OAS2: variants seen among roughly 807,000 people sequenced by gnomAD.
The protein encoded by OAS2 is 2'-5'-oligoadenylate synthetase 2, also known as 2'-5'-oligoadenylate synthase 2.
OAS2 carries 67 observed loss-of-function variants against 71.3 expected under a neutral mutation model. That is an observed-to-expected ratio of 0.94 (90% CI 0.77 to 1.15). The LOEUF (loss-of-function observed/expected upper bound fraction) is 1.15, where lower values mean the gene tolerates loss of function less well. Ranked by LOEUF, OAS2 falls within the 50% of genes most tolerant of loss-of-function variation. The probability of loss-of-function intolerance (pLI) is 0.00; values close to 1 mark genes in which losing one functional copy is unlikely to be tolerated. For missense variants in OAS2, 789 were observed against 822.5 expected (o/e 0.96, Z 0.50); for synonymous variants, 327 against 321.8 (o/e 1.02, Z -0.17).
At chr12:113,005,416 GCT>G (rs112320498) in intron 7 of OAS2, among the ~76,000 whole-genome samples, 194 bp downstream of exon 7, 8 of 152,016 alleles carry the variant, frequency 5.3e-5, no homozygotes, top group South Asian at 2.1e-4. Flanking sequence ...CAAGCATGGG[GCT>G]GTGTGCCTAT....
chr12:112,999,923 A>G (rs2044268820), intron 5 of OAS2, among the ~76,000 whole-genome samples: 1 of 152,126 alleles, frequency 6.6e-6, no homozygotes, highest in South Asian at 2.1e-4. Flanking sequence ...ATCTTTTTTT[A>G]AGAGATGGGG....
chr12:112,984,454 T>G (rs1442270962), intron 1 of OAS2, among the ~76,000 whole-genome samples: 1 of 152,254 alleles, frequency 6.6e-6, no homozygotes, highest in African/African-American at 2.4e-5. Flanking sequence ...AGTCTATATG[T>G]ATCTTCACAG....
chr12:112,988,963 G>A (rs896888413), intron 2 of OAS2, among the ~76,000 whole-genome samples: 2 of 152,200 alleles, frequency 1.3e-5, no homozygotes, highest in African/African-American at 4.8e-5. Context: ...CCAAGGTGAA[G>A]GATGTACCCA....
At chr12:112,986,384 G>A (rs1370897772) in intron 1 of OAS2, among the ~76,000 whole-genome samples, 1 of 152,206 alleles carries the variant, frequency 6.6e-6, no homozygotes, top group South Asian at 2.1e-4. Context: ...GGGCCCCCAG[G>A]TGGCTTGTTT....
Position 113,011,463 on chromosome 12 carries a change from T to C in OAS2, c.*2208T>C, listed in dbSNP as rs1310217618. ...TCCAAGGAGGTGATGGGGCTGGAAA[T>C]TGAGTTCAATTTTAACATGGCCAGT... On this transcript the variant is annotated 3_prime_UTR_variant, in exon 10 of 10. Coordinates refer to ENST00000392583, the MANE Select transcript of OAS2 (RefSeq NM_002535.3). The C allele has an allele frequency of 6.6e-6, 1 of 152,186 alleles. No individual in the cohort carries two copies. The highest frequency in any genetic ancestry group is 1.5e-5 in the Non-Finnish European group (1 of 68,028). The allele number at this position is 152,186 out of a possible 1,614,324, so 9.4% of individuals were successfully genotyped here. A position where few individuals can be genotyped will look rare whatever the true frequency, so the allele number is the denominator to read the frequency against.
chr12:113,009,799 A>G lies in OAS2; in HGVS notation c.*544A>G, dbSNP rs2044364523. The stretch of plus-strand genomic sequence containing the variant: ...TAACTTGAAGGTGGCTACAAAGATG[A>G]CTGTGGACGTGGGTTGCACTGGCCA... On this transcript the variant is annotated 3_prime_UTR_variant, in exon 10 of 10. Transcript: ENST00000392583. 2.0e-6 allele frequency: 2 copies of G among 986,682 alleles called. No homozygotes were observed. Among genetic ancestry groups the G allele is most frequent in the Non-Finnish European group, 2.4e-6 (2 of 831,068 alleles). 61.1% of individuals were successfully genotyped at this position (986,682 alleles called of 1,614,324 possible).
intron 6 of OAS2, 84 bp downstream of exon 6, chr12:113,003,186 C>A: frequency 7.2e-7 from 1 of 1,393,542 alleles, no homozygotes; most frequent in Non-Finnish European, 1.0e-6. Flanking sequence ...CATTGTAGCT[C>A]TCCAGGATCC....
chr12:113,004,262 A>C (rs967371167), intron 6 of OAS2, among the ~76,000 whole-genome samples: 13 of 152,220 alleles, frequency 8.5e-5, no homozygotes, highest in African/African-American at 3.1e-4. Context: ...GAGGATCTGC[A>C]TACAGGAAAT....
In OAS2 at chr12:113,005,103, T is replaced by C. The variant is rs2044319640; in HGVS notation, c.1349T>C (p.Leu450Pro). Residue 450 changes from leucine (L) to proline (P), a missense_variant, in exon 7 of 10, where the codon CTT becomes CCT. Leu to Pro is a moderately conservative substitution (Grantham distance 98). Coordinates refer to ENST00000392583, the MANE Select transcript of OAS2 (RefSeq NM_002535.3). Reference sequence around the variant, plus strand: ...TTTTGGAGGGAGAAGGAGGAGGAGCTTGAAGTCAGCTTTGAGCCTCCCAAG... The same window carrying C: ...TTTTGGAGGGAGAAGGAGGAGGAGCCTGAAGTCAGCTTTGAGCCTCCCAAG... ...KAFWREKEEE[L>P]EVSFEPPKWK... 1 of 1,614,140 alleles carries C rather than the reference T, an allele frequency of 6.2e-7. No homozygotes were observed. Among genetic ancestry groups the C allele is most frequent in the Middle Eastern group, 1.7e-4 (1 of 6,060 alleles).
chr12:112,991,869 G>T (rs1188807255), intron 2 of OAS2, among the ~76,000 whole-genome samples: 1 of 152,076 alleles, frequency 6.6e-6, no homozygotes. Context: ...TGAGTATCTT[G>T]TTCTTCTATG....
chr12:113,009,493 C>A lies in OAS2; in HGVS notation c.*238C>A. On this transcript the variant is annotated 3_prime_UTR_variant, in exon 10 of 10. Coordinates refer to ENST00000392583, the MANE Select transcript of OAS2 (RefSeq NM_002535.3). ...TCTCTACCCAGTAGATGCCACTAGC[C>A]CTCCTCTCCCAGTGACAACCAAAAG... 1 of 1,215,278 alleles carries A rather than the reference C, an allele frequency of 8.2e-7. No homozygotes were observed. Among genetic ancestry groups the A allele is most frequent in the Non-Finnish European group, 1.0e-6 (1 of 975,448 alleles). 75.3% of individuals were successfully genotyped at this position (1,215,278 alleles called of 1,614,324 possible). A position where few individuals can be genotyped will look rare whatever the true frequency, so the allele number is the denominator to read the frequency against.
rs959596548 is a variant in OAS2 at position 112,985,411 on chromosome 12, T to A, written c.178-1627T>A. The stretch of plus-strand genomic sequence containing the variant: ...GAACTGTCTTCAAGTTTAGAAATTC[T>A]TTCTTCTCCTTGACCTAGTCTATTG... On this transcript the variant is annotated intron_variant, in intron 1 of 9. Transcript: ENST00000392583. Among the ~76,000 whole-genome samples the A allele has an allele frequency of 3.3e-5, 5 of 152,242 alleles. No individual in the cohort carries two copies. The East Asian group carries it at 9.6e-4, about 29-fold the overall frequency.
chr12:112,997,719 T>C lies in OAS2; in HGVS notation c.827T>C (p.Ile276Thr). ...AACTACAACTTTGAAGATGAGACCATCAGGAACATCCTGCTGCACCAGCTC... is the reference window on the plus strand; with the variant it reads ...AACTACAACTTTGAAGATGAGACCACCAGGAACATCCTGCTGCACCAGCTC... ...MVNYNFEDETIRNILLHQLQS... is the reference protein window; with the variant it reads ...MVNYNFEDETTRNILLHQLQS... The change falls in exon 4 of 10, where the codon ATC becomes ACC. Residue 276 changes from isoleucine to threonine, a missense_variant. Physicochemically the swap from Ile to Thr is moderately conservative, Grantham distance 89 (BLOSUM62 -1). Coordinates refer to ENST00000392583, the MANE Select transcript of OAS2 (RefSeq NM_002535.3). The C allele has an allele frequency of 6.2e-7, 1 of 1,610,058 alleles. No individual in the cohort carries two copies. The highest frequency in any genetic ancestry group is 8.5e-7 in the Non-Finnish European group (1 of 1,177,612).
At chr12:112,983,540 A>G (rs1219418586) in intron 1 of OAS2, among the ~76,000 whole-genome samples, 2 of 152,132 alleles carry the variant, frequency 1.3e-5, no homozygotes, top group Non-Finnish European at 2.9e-5. Context: ...TGCTTTTCTA[A>G]TTCCTTAAGA....
intron 9 of OAS2, among the ~76,000 whole-genome samples, chr12:113,008,883 C>T (rs1331694436): frequency 1.3e-5 from 2 of 152,226 alleles, no homozygotes. Context: ...CCACTTCAGC[C>T]TCCCAAAGTG....
At chr12:113,000,579 GCACA>G (rs556769395) in intron 5 of OAS2, among the ~76,000 whole-genome samples, 17 of 129,096 alleles carry the variant, frequency 1.3e-4, no homozygotes, top group African/African-American at 4.8e-4. Flanking sequence ...ACGCACACAC[GCACA>G]CACATACATG....
intron 1 of OAS2, among the ~76,000 whole-genome samples, chr12:112,983,729 G>A (rs911608747): frequency 3.3e-5 from 5 of 152,086 alleles, no homozygotes; most frequent in African/African-American, 7.2e-5. Flanking sequence ...GTCCAGGAGC[G>A]TGTTGTTTAA....
At chr12:112,999,993 A>G (rs546873889) in intron 5 of OAS2, among the ~76,000 whole-genome samples, 1 of 152,056 alleles carries the variant, frequency 6.6e-6, no homozygotes, top group Non-Finnish European at 1.5e-5. Context: ...TGATCCTCCC[A>G]CCTGGCCTCC....
At chr12:112,993,228 C>CTGTGTGCA (rs1183491216) in intron 2 of OAS2, among the ~76,000 whole-genome samples, 1 of 152,196 alleles carries the variant, frequency 6.6e-6, no homozygotes, top group Admixed American at 6.5e-5. Context: ...TTCTGCATCT[C>CTGTGTGCA]TTTCCACCAC....
Sources: allele counts gnomAD v4.1 joint callset (sites outside exome capture counted in the v4.1 genomes callset), GRCh38; gene constraint gnomAD v4.1.1; transcripts MANE v1.5; gene names NCBI Gene and HGNC (gene_info 2026-07-23, HGNC 2026-07-21).